ATRNL1: variants seen among roughly 807,000 people sequenced by gnomAD.
The protein encoded by ATRNL1 is attractin like 1.
ATRNL1 carries 95 observed loss-of-function variants against 182.7 expected under a neutral mutation model. The ratio of observed to expected loss-of-function variants is 0.52; its 90% CI spans 0.44 to 0.62. The LOEUF (loss-of-function observed/expected upper bound fraction) is 0.62. ATRNL1 is among the 20% of genes least tolerant of loss of function. ATRNL1 has a pLI of 0.00. For synonymous variants in ATRNL1, 576 were observed against 568.3 expected (o/e 1.01, Z -0.19); for missense variants, 1,471 against 1,679.5 (o/e 0.88, Z 2.17).
chr10:115,609,080 TTATC>T (rs150941510), intron 26 of ATRNL1, among the ~76,000 whole-genome samples: 1,771 of 152,228 alleles, frequency 0.012, 29 homozygotes, highest in African/African-American at 0.04. Flanking sequence ...GTTGAAATGT[TTATC>T]TATTTTTATG....
At chr10:115,256,677 A>G (rs991633918) in intron 10 of ATRNL1, among the ~76,000 whole-genome samples, 5 of 151,864 alleles carry the variant, frequency 3.3e-5, no homozygotes, top group Non-Finnish European at 7.4e-5. Flanking sequence ...GCCTTCCGCT[A>G]GCTTTTTGAA....
At chr10:115,916,370 G>C (rs1555117229) in intron 28 of ATRNL1, among the ~76,000 whole-genome samples, 1 of 152,170 alleles carries the variant, frequency 6.6e-6, no homozygotes, top group Non-Finnish European at 1.5e-5. Context: ...CACACATCAA[G>C]TCAAGTCAAT....
At chr10:115,553,516 G>A (rs1458613582) in intron 26 of ATRNL1, among the ~76,000 whole-genome samples, 2 of 151,174 alleles carry the variant, frequency 1.3e-5, no homozygotes, top group Non-Finnish European at 3.0e-5. Flanking sequence ...ATGAATACAG[G>A]AAATTTTGGA....
chr10:115,510,301 A>G (rs1850324557), intron 24 of ATRNL1, among the ~76,000 whole-genome samples: 1 of 152,048 alleles, frequency 6.6e-6, no homozygotes, highest in Non-Finnish European at 1.5e-5. Context: ...CTGTTAGTAA[A>G]TTTTTATGAA....
chr10:115,134,343 G>A (rs1554876055), intron 5 of ATRNL1, among the ~76,000 whole-genome samples: 1 of 152,048 alleles, frequency 6.6e-6, no homozygotes, highest in Non-Finnish European at 1.5e-5. Flanking sequence ...AATAAAAAAT[G>A]ATAAAGGGGA....
intron 24 of ATRNL1, among the ~76,000 whole-genome samples, chr10:115,477,845 A>AT (rs1359228669): frequency 6.6e-6 from 1 of 151,654 alleles, no homozygotes; most frequent in Non-Finnish European, 1.5e-5. Context: ...AGTTATTGTG[A>AT]TTCTTAAAAA....
At chr10:115,696,966 CAGG>C (rs1479786714) in intron 26 of ATRNL1, among the ~76,000 whole-genome samples, 1 of 151,920 alleles carries the variant, frequency 6.6e-6, no homozygotes, top group Non-Finnish European at 1.5e-5. Context: ...CAGTCACTAT[CAGG>C]AGAACAGCAA....
chr10:115,297,786 A>G (rs1246672638), intron 15 of ATRNL1, among the ~76,000 whole-genome samples: 1 of 152,108 alleles, frequency 6.6e-6, no homozygotes, highest in African/African-American at 2.4e-5. Flanking sequence ...TGATATTAGA[A>G]CTCTGTTGTT....
At chr10:115,857,443 T>C (rs1470389951) in intron 28 of ATRNL1, among the ~76,000 whole-genome samples, 1 of 152,234 alleles carries the variant, frequency 6.6e-6, no homozygotes, top group Non-Finnish European at 1.5e-5. Flanking sequence ...GGAGTCAGAA[T>C]TTAAAACCAG....
rs1204118636 is a variant in ATRNL1 at position 115,339,264 on chromosome 10, T to C, written c.3175+4845T>C. Among the ~76,000 whole-genome samples, 5 of 152,240 alleles carry C rather than the reference T, an allele frequency of 3.3e-5. No homozygotes were observed. The East Asian group carries it at 7.7e-4, about 24-fold the overall frequency. ...GTTTCTGTGACAAATGTTACTGTTA[T>C]TTTGAGAGGGATTGCATTGTATCTG... On this transcript the variant is annotated intron_variant, in intron 19 of 28. Coordinates refer to ENST00000355044, the MANE Select transcript of ATRNL1 (RefSeq NM_207303.4).
intron 8 of ATRNL1, among the ~76,000 whole-genome samples, chr10:115,204,333 A>G (rs1235752284): frequency 2.6e-5 from 4 of 152,106 alleles, no homozygotes; most frequent in African/African-American, 4.8e-5. Flanking sequence ...TATGTTGAAT[A>G]GAAGTGGTGG....
rs144190558 is a variant in ATRNL1 at position 115,421,372 on chromosome 10, A to G, written c.3270-4878A>G. ...TGATTTAGTGAAATTCATCCCAGTAATGCAAGTACAGTTCAAACCACAAAA... is the reference window on the plus strand; with the variant it reads ...TGATTTAGTGAAATTCATCCCAGTAGTGCAAGTACAGTTCAAACCACAAAA... On this transcript the variant is annotated intron_variant, in intron 20 of 28. Transcript: ENST00000355044. Among the ~76,000 whole-genome samples the G allele has an allele frequency of 1.5e-3, 236 of 152,320 alleles. 1 individual carries two copies. Among genetic ancestry groups the G allele is most frequent in the African/African-American group, 5.4e-3 (224 of 41,578 alleles).
intron 27 of ATRNL1, among the ~76,000 whole-genome samples, chr10:115,789,705 T>C (rs1460618037): frequency 1.3e-5 from 2 of 152,250 alleles, no homozygotes; most frequent in Non-Finnish European, 2.9e-5. Flanking sequence ...TCATTCCTCC[T>C]GCCTAGTCTT....
At chr10:115,208,969 G>C (rs1848910595) in intron 8 of ATRNL1, among the ~76,000 whole-genome samples, 1 of 151,438 alleles carries the variant, frequency 6.6e-6, no homozygotes, top group Non-Finnish European at 1.5e-5. Flanking sequence ...AAGTAATCAG[G>C]GTAATTCATT....
chr10:115,194,280 C>T (rs1848273829), intron 8 of ATRNL1, among the ~76,000 whole-genome samples: 1 of 151,950 alleles, frequency 6.6e-6, no homozygotes, highest in South Asian at 2.1e-4. Context: ...CTGTCCAATC[C>T]TAAAAATGTG....
chr10:115,597,966 T>C (rs1204372597), intron 26 of ATRNL1: 1 of 161,776 alleles, frequency 6.2e-6, no homozygotes, highest in Non-Finnish European at 1.3e-5. Context: ...TAAACAGTGT[T>C]TTAAAAATTT....
intron 17 of ATRNL1, 119 bp downstream of exon 17, chr10:115,302,162 G>T: frequency 9.9e-7 from 1 of 1,005,116 alleles, no homozygotes. Flanking sequence ...ATATTGTTAC[G>T]GCTACTTTTG....
chr10:115,716,610 C>T (rs1264826289), intron 26 of ATRNL1, among the ~76,000 whole-genome samples: 2 of 152,062 alleles, frequency 1.3e-5, no homozygotes, highest in Non-Finnish European at 2.9e-5. Context: ...AGAAATCTTT[C>T]TTCAGTAAAT....
At chr10:115,379,570 A>T (rs999647445) in intron 19 of ATRNL1, among the ~76,000 whole-genome samples, 8 of 152,354 alleles carry the variant, frequency 5.3e-5, no homozygotes, top group Admixed American at 2.0e-4. Flanking sequence ...GTAACTCTGA[A>T]TATGACAGTA....
Sources: allele counts gnomAD v4.1 joint callset (sites outside exome capture counted in the v4.1 genomes callset), GRCh38; gene constraint gnomAD v4.1.1; transcripts MANE v1.5; gene names NCBI Gene and HGNC (gene_info 2026-07-23, HGNC 2026-07-21).